The following TRPC5 variants were observed in gnomAD, a reference collection of about 807,000 sequenced individuals.
TRPC5 encodes the protein transient receptor potential cation channel subfamily C member 5.
Under a neutral mutation model 56.5 loss-of-function variants are expected in TRPC5, and 9 were observed. That is an observed-to-expected ratio of 0.16 (90% CI 0.10 to 0.28). The LOEUF (loss-of-function observed/expected upper bound fraction) is 0.28, where lower values mean the gene tolerates loss of function less well. Ranked by LOEUF, TRPC5 falls within the 10% of genes least tolerant of loss-of-function variation. The probability of loss-of-function intolerance (pLI) is 1.00; values close to 1 mark genes in which losing one functional copy is unlikely to be tolerated. For synonymous variants in TRPC5, 282 were observed against 278.5 expected (o/e 1.01, Z -0.13); for missense variants, 469 against 748.9 (o/e 0.63, Z 4.36).
intron 1 of TRPC5, among the ~76,000 whole-genome samples, chrX:111,969,079 A>G (rs1434688598): frequency 9.0e-6 from 1 of 110,949 alleles, no homozygotes; most frequent in Non-Finnish European, 1.9e-5. Flanking sequence ...TGCCACAGCC[A>G]CTTCAACCTT....
chrX:112,010,660 A>G (rs184346149), intron 1 of TRPC5, among the ~76,000 whole-genome samples: 1 of 111,677 alleles, frequency 9.0e-6, no homozygotes, highest in East Asian at 2.9e-4. Flanking sequence ...TATAATAAAA[A>G]TGATAAATGA....
chrX:111,822,262 C>T (rs2148570913), intron 7 of TRPC5, among the ~76,000 whole-genome samples: 1 of 111,313 alleles, frequency 9.0e-6, no homozygotes, highest in African/African-American at 3.3e-5. Flanking sequence ...ATGGGAAAAC[C>T]TGATCTTAAT....
chrX:111,991,485 A>G (rs146131276), intron 1 of TRPC5, among the ~76,000 whole-genome samples: 3,307 of 110,386 alleles, frequency 0.03, 123 homozygotes, highest in African/African-American at 0.11. Flanking sequence ...GCAATGGTCC[A>G]TCAAGGCTCA....
chrX:112,015,650 T>C (rs1929103083), intron 1 of TRPC5, among the ~76,000 whole-genome samples: 1 of 111,653 alleles, frequency 9.0e-6, no homozygotes, highest in African/African-American at 3.3e-5. Flanking sequence ...AGATGGCTGA[T>C]TTTTTTAGAC....
intron 1 of TRPC5, among the ~76,000 whole-genome samples, chrX:112,067,569 T>A (rs746609968): frequency 1.7e-4 from 19 of 111,659 alleles, no homozygotes; most frequent in Non-Finnish European, 3.2e-4. Flanking sequence ...GTGGCAGGAC[T>A]TCCGTATCTG....
At chrX:111,944,267 AGTGTGTGTGT>A (rs36057312) in intron 2 of TRPC5, among the ~76,000 whole-genome samples, 61 of 71,740 alleles carry the variant, frequency 8.5e-4, no homozygotes, top group African/African-American at 3.3e-3. Context: ...GGAGTAGAAG[AGTGTGTGTGT>A]GTGTGTGTGT....
At chrX:111,936,983 C>A (rs1363565553) in intron 2 of TRPC5, among the ~76,000 whole-genome samples, 1 of 105,967 alleles carries the variant, frequency 9.4e-6, no homozygotes, top group Non-Finnish European at 1.9e-5. Context: ...GTTCCTAATT[C>A]TCCACATCCT....
chrX:111,993,589 C>T (rs1032785382), intron 1 of TRPC5, among the ~76,000 whole-genome samples: 1 of 112,207 alleles, frequency 8.9e-6, no homozygotes, highest in Non-Finnish European at 1.9e-5. Flanking sequence ...TTAATGATTG[C>T]CATTCTAACT....
intron 1 of TRPC5, among the ~76,000 whole-genome samples, chrX:111,961,040 G>A (rs1212628834): frequency 9.0e-6 from 1 of 111,205 alleles, no homozygotes; most frequent in African/African-American, 3.3e-5. Context: ...TCAAACTCCT[G>A]ATCTCGTGAT....
At chrX:111,867,283 G>T (rs921945776) in intron 3 of TRPC5, among the ~76,000 whole-genome samples, 1 of 111,843 alleles carries the variant, frequency 8.9e-6, no homozygotes, top group Non-Finnish European at 1.9e-5. Context: ...ACAGAATAAA[G>T]GACAGTCATT....
chrX:112,005,391 A>T (rs140099117), intron 1 of TRPC5, among the ~76,000 whole-genome samples: 1,986 of 107,052 alleles, frequency 0.019, 65 homozygotes, highest in African/African-American at 0.066. Context: ...TAATCTGTAT[A>T]ACAAACCCCT....
intron 1 of TRPC5, among the ~76,000 whole-genome samples, chrX:112,056,946 A>G (rs1213981361): frequency 8.9e-6 from 1 of 112,180 alleles, no homozygotes; most frequent in Non-Finnish European, 1.9e-5. Flanking sequence ...TTCAGAAAAC[A>G]TTTTCTTCCT....
chrX:112,045,558 G>A (rs1312241169), intron 1 of TRPC5, among the ~76,000 whole-genome samples: 3 of 111,763 alleles, frequency 2.7e-5, no homozygotes, highest in African/African-American at 9.8e-5. Context: ...AAGGCCCCTG[G>A]CACACAGAAA....
intron 1 of TRPC5, among the ~76,000 whole-genome samples, chrX:112,027,569 T>A (rs1929447039): frequency 9.0e-6 from 1 of 111,476 alleles, no homozygotes; most frequent in Admixed American, 9.5e-5. Context: ...CGATCTTGGC[T>A]CACTGCAAGC....
chrX:111,945,490 C>G (rs181713382), intron 2 of TRPC5, among the ~76,000 whole-genome samples: 1 of 109,895 alleles, frequency 9.1e-6, no homozygotes, highest in African/African-American at 3.3e-5. Context: ...CACATGTGTG[C>G]GCACACACAC....
rs1371184460 is a variant in TRPC5 at position 111,888,852 on chromosome X, T to C, written c.900+23439A>G. On this transcript the variant is annotated intron_variant, in intron 3 of 10. Coordinates refer to ENST00000262839, the MANE Select transcript of TRPC5 (RefSeq NM_012471.3). Reference sequence around the variant, plus strand: ...CTCACAATGACAAGTGATCAGATTGTGGATATGTTTTAGTGGCAGAGCCAA... The same window carrying C: ...CTCACAATGACAAGTGATCAGATTGCGGATATGTTTTAGTGGCAGAGCCAA... Among the ~76,000 whole-genome samples, 5 of 111,115 alleles carry C rather than the reference T, an allele frequency of 4.5e-5. No homozygotes were observed. The East Asian group carries it at 1.1e-3, about 25-fold the overall frequency.
rs536361543 is a variant in TRPC5, at chrX:111,924,165, C to T, written c.379-11353G>A. Among the ~76,000 whole-genome samples, 74 of 110,911 alleles carry T rather than the reference C, an allele frequency of 6.7e-4. 1 individual carries two copies. Among genetic ancestry groups the T allele is most frequent in the South Asian group, 6.1e-3 (16 of 2,612 alleles). On this transcript the variant is annotated intron_variant, in intron 2 of 10. Transcript: ENST00000262839. ...ATATAGAGACAGTATCATTGGAGGG[C>T]CAGGGTAACCAGATTACTAGTAAGT...
chrX:112,054,310 A>G (rs1254382902), intron 1 of TRPC5, among the ~76,000 whole-genome samples: 2 of 110,883 alleles, frequency 1.8e-5, no homozygotes, highest in Admixed American at 9.7e-5. Context: ...GGGGATTATC[A>G]TATGTTAAAG....
At chrX:111,923,912 T>A (rs989822313) in intron 2 of TRPC5, among the ~76,000 whole-genome samples, 2 of 112,348 alleles carry the variant, frequency 1.8e-5, no homozygotes, top group African/African-American at 6.5e-5. Context: ...TAGGTGGCCC[T>A]ACTGTGGAGC....
Sources: gnomAD v4.1 joint callset for allele counts (sites outside exome capture counted in the v4.1 genomes callset) on GRCh38, gnomAD v4.1.1 for gene constraint, MANE v1.5 for transcripts, NCBI Gene and HGNC (gene_info 2026-07-23, HGNC 2026-07-21) for gene names.